TMEFF1: variants seen among roughly 807,000 people sequenced by gnomAD.
TMEFF1 encodes transmembrane protein with EGF like and two follistatin like domains 1.
TMEFF1 carries 20 observed loss-of-function variants against 47.5 expected under a neutral mutation model. The observed-to-expected ratio is 0.42, with a 90% confidence interval of 0.30 to 0.61. The LOEUF (loss-of-function observed/expected upper bound fraction) is 0.61. TMEFF1 is among the 20% of genes least tolerant of loss of function. The pLI is 0.19. For missense variants in TMEFF1, 411 were observed against 471.1 expected, an observed-to-expected ratio of 0.87 and a Z score of 1.18; for synonymous variants, 162 against 166.3, an observed-to-expected ratio of 0.97 and a Z score of 0.20.
At chr9:100,536,949 A>G (rs1437550857) in intron 5 of TMEFF1, among the ~76,000 whole-genome samples, 2 of 152,236 alleles carry the variant, frequency 1.3e-5, no homozygotes, top group African/African-American at 4.8e-5. Context: ...CAGTGCATTT[A>G]TTGATGACTT....
At position 100,561,492 on chromosome 9, in the gene TMEFF1, A is replaced by G. The variant is rs371847207; in HGVS notation, c.871A>G (p.Ile291Val). ...CTGCATCCATGGAAAATGTGAATTC[A>G]TCTATTCTACTCAGAAGGCTTCTTG... ...GYCIHGKCEF[I>V]YSTQKASCRC... The change falls in exon 8 of 10, where the codon ATC becomes GTC. Residue 291 changes from isoleucine (I) to valine (V), a missense_variant. Ile to Val is a conservative substitution (Grantham distance 29). Coordinates refer to ENST00000374879, the MANE Select transcript of TMEFF1 (RefSeq NM_003692.5). 6.8e-6 allele frequency: 11 copies of G among 1,613,848 alleles called. No homozygotes were observed. The African/African-American group carries it at 8.0e-5, about 12-fold the overall frequency.
At chr9:100,561,256 CT>C (rs1457367014) in intron 7 of TMEFF1, 140 bp from the exon 8 acceptor site, 41 of 1,420,588 alleles carry the variant, frequency 2.9e-5, no homozygotes, top group South Asian at 4.4e-5. Flanking sequence ...ATCTAACCCC[CT>C]ATCTGATAAA....
intron 3 of TMEFF1, among the ~76,000 whole-genome samples, chr9:100,509,484 G>A (rs987416356): frequency 2.6e-5 from 4 of 152,138 alleles, no homozygotes; most frequent in African/African-American, 9.7e-5. Context: ...TTAAAAAGAG[G>A]TGAGGAAGGT....
chr9:100,488,639 T>G (rs1274143138), intron 1 of TMEFF1, among the ~76,000 whole-genome samples: 1 of 152,222 alleles, frequency 6.6e-6, no homozygotes, highest in African/African-American at 2.4e-5. Context: ...CTAAGTGCTT[T>G]CCATATCTTT....
intron 5 of TMEFF1, among the ~76,000 whole-genome samples, chr9:100,530,471 A>C (rs1172541697): frequency 6.6e-6 from 1 of 152,218 alleles, no homozygotes; most frequent in Non-Finnish European, 1.5e-5. Context: ...TACGCAAATA[A>C]ACTAGAAAAT....
chr9:100,518,539 G>A (rs1208951868), intron 5 of TMEFF1: 11 of 980,142 alleles, frequency 1.1e-5, no homozygotes, highest in Non-Finnish European at 1.2e-5. Flanking sequence ...AGCAGCCAAC[G>A]TCAGGCAAGG....
chr9:100,563,453 G>A (rs952231160), intron 8 of TMEFF1, among the ~76,000 whole-genome samples: 1 of 152,198 alleles, frequency 6.6e-6, no homozygotes, highest in Non-Finnish European at 1.5e-5. Flanking sequence ...CTAACTGAAA[G>A]TAAGAGGATT....
chr9:100,531,933 G>A (rs1157413840), intron 5 of TMEFF1, among the ~76,000 whole-genome samples: 3 of 149,912 alleles, frequency 2.0e-5, no homozygotes, highest in Non-Finnish European at 3.0e-5. Context: ...CAGAAATAAC[G>A]CCGCATATCT....
chr9:100,507,553 T>C (rs1837885358), intron 2 of TMEFF1, among the ~76,000 whole-genome samples: 1 of 152,178 alleles, frequency 6.6e-6, no homozygotes, highest in Non-Finnish European at 1.5e-5. Flanking sequence ...TTTTGACTCT[T>C]GTGAGATGGT....
In TMEFF1 at chr9:100,498,746, C is replaced by T. The variant is rs1587822082; in HGVS notation, c.197-19C>T. 3 of 1,610,780 alleles carry T rather than the reference C, an allele frequency of 1.9e-6. No individual in the cohort carries two copies. Among genetic ancestry groups the T allele is most frequent in the Middle Eastern group, 1.7e-4 (1 of 6,046 alleles). ...TAAAAAGCCAAATATATATGTCAAA[C>T]AATTTTTTTCTTTTGCAGAATTAAA... On this transcript the variant is annotated intron_variant, in intron 1 of 9. Coordinates refer to ENST00000374879, the MANE Select transcript of TMEFF1 (RefSeq NM_003692.5).
At chr9:100,553,303 T>TTTTA (rs797000332) in intron 7 of TMEFF1, among the ~76,000 whole-genome samples, 10 of 152,336 alleles carry the variant, frequency 6.6e-5, no homozygotes, top group African/African-American at 1.9e-4. Flanking sequence ...CCTCATTTAC[T>TTTTA]TTTATTTATT....
chr9:100,475,102 A>G (rs1415141822), intron 1 of TMEFF1, among the ~76,000 whole-genome samples: 2 of 152,194 alleles, frequency 1.3e-5, no homozygotes, highest in Admixed American at 1.3e-4. Flanking sequence ...AGGGAGGAAC[A>G]TAAGGCCACT....
Position 100,576,945 on chromosome 9 carries a change from A to C in TMEFF1, c.*345A>C, listed in dbSNP as rs1252892460. 2.9e-5 allele frequency: 5 copies of C among 173,340 alleles called. No individual in the cohort carries two copies. The highest frequency in any genetic ancestry group is 6.1e-5 in the Non-Finnish European group (5 of 81,376). The allele number at this position is 173,340 out of a possible 1,614,324, so 10.7% of individuals were successfully genotyped here. On this transcript the variant is annotated 3_prime_UTR_variant, in exon 10 of 10. Transcript: ENST00000374879. ...CAATGACCACAGCAAATGACCAAGC[A>C]TGAACTAAAGGTAAAGATGTTTACA...
At chr9:100,482,199 C>CTTT (rs201453800) in intron 1 of TMEFF1, among the ~76,000 whole-genome samples, 1 of 148,844 alleles carries the variant, frequency 6.7e-6, no homozygotes. Context: ...TTCTTTCTTT[C>CTTT]TTTTCTTTTT....
intron 5 of TMEFF1, among the ~76,000 whole-genome samples, chr9:100,546,640 C>G (rs932396078): frequency 6.6e-6 from 1 of 152,184 alleles, no homozygotes; most frequent in Non-Finnish European, 1.5e-5. Flanking sequence ...GTACTTATAA[C>G]TTCTGTCCTA....
intron 2 of TMEFF1, among the ~76,000 whole-genome samples, chr9:100,502,550 G>C (rs890796251): frequency 6.6e-6 from 1 of 151,834 alleles, no homozygotes; most frequent in Middle Eastern, 3.2e-3. Context: ...TTTTTGTAGC[G>C]CCAAGACCTC....
intron 1 of TMEFF1, among the ~76,000 whole-genome samples, chr9:100,476,293 A>G (rs1837226861): frequency 6.6e-6 from 1 of 152,196 alleles, no homozygotes. Flanking sequence ...CCATGTTAAT[A>G]CAGTCTGGAC....
chr9:100,531,038 C>G (rs201385560), intron 5 of TMEFF1, among the ~76,000 whole-genome samples: 27,563 of 151,026 alleles, frequency 0.18, 2,712 homozygotes, highest in South Asian at 0.32. Context: ...ATTCAACAAC[C>G]CTTCATGCTA....
intron 5 of TMEFF1, among the ~76,000 whole-genome samples, chr9:100,522,430 CT>C (rs869111876): frequency 9.9e-4 from 69 of 69,644 alleles, no homozygotes; most frequent in African/African-American, 2.4e-3. Flanking sequence ...GAAATATCTT[CT>C]TTTTTTTTTT....
Sources: allele counts gnomAD v4.1 joint callset (sites outside exome capture counted in the v4.1 genomes callset), GRCh38; gene constraint gnomAD v4.1.1; transcripts MANE v1.5; gene names NCBI Gene and HGNC (gene_info 2026-07-23, HGNC 2026-07-21).